The following PHACTR4 variants were observed in gnomAD, a reference collection of about 807,000 sequenced individuals.
PHACTR4 encodes protein phosphatase 1, regulatory subunit 124.
A neutral mutation model predicts 72.7 loss-of-function variants in PHACTR4; 51 were observed. That is an observed-to-expected ratio of 0.70 (90% CI 0.56 to 0.89). PHACTR4 has a LOEUF of 0.89. Ranked by LOEUF, PHACTR4 falls within the 40% of genes least tolerant of loss-of-function variation. The pLI is 0.00. For missense variants in PHACTR4, 731 were observed against 861.8 expected (o/e 0.85, Z 1.90); for synonymous variants, 255 against 302.5 (o/e 0.84, Z 1.63).
intron 4 of PHACTR4, among the ~76,000 whole-genome samples, chr1:28,464,675 T>C (rs1232324623): frequency 6.6e-5 from 10 of 152,142 alleles, no homozygotes; most frequent in Admixed American, 6.6e-4. Flanking sequence ...TGTAGTTACT[T>C]ATATATAAGT....
chr1:28,438,311 G>A, intron 2 of PHACTR4: 1 of 1,579,364 alleles, frequency 6.3e-7, no homozygotes. Flanking sequence ...TCTTTATGTG[G>A]ATTTATCTTT....
At chr1:28,491,209 AAAAAAAAAAAAAAGAAG>A (rs1661016260) in intron 11 of PHACTR4, among the ~76,000 whole-genome samples, 197 bp downstream of exon 11, 1 of 130,044 alleles carries the variant, frequency 7.7e-6, no homozygotes, top group South Asian at 2.3e-4. Flanking sequence ...TGTCTACATT[AAAAAAAAAAAAAAGAAG>A]AAGAAAGAAA....
chr1:28,456,238 C>T (rs116453326), intron 2 of PHACTR4, among the ~76,000 whole-genome samples: 4 of 152,010 alleles, frequency 2.6e-5, no homozygotes, highest in African/African-American at 7.2e-5. Flanking sequence ...AGAAAACCAA[C>T]CAGGAATAAG....
chr1:28,370,749 A>G (rs1018761875), intron 1 of PHACTR4, among the ~76,000 whole-genome samples: 3 of 152,206 alleles, frequency 2.0e-5, no homozygotes, highest in Admixed American at 2.0e-4. Flanking sequence ...TTATAGAGGA[A>G]CCAGAAACCC....
At chr1:28,453,568 G>T in intron 2 of PHACTR4, 1 of 770,466 alleles carries the variant, frequency 1.3e-6, no homozygotes, top group South Asian at 1.6e-5. Context: ...AGTGGGACTT[G>T]GGCAGCAGAG....
intron 1 of PHACTR4, among the ~76,000 whole-genome samples, chr1:28,388,897 C>T (rs1462999886): frequency 6.6e-6 from 1 of 151,972 alleles, no homozygotes; most frequent in East Asian, 1.9e-4. Flanking sequence ...AATGTAAGAC[C>T]TGAAACTGTA....
chr1:28,372,863 A>C (rs1001152324), intron 1 of PHACTR4, among the ~76,000 whole-genome samples: 1 of 151,968 alleles, frequency 6.6e-6, no homozygotes, highest in East Asian at 1.9e-4. Context: ...AAAAAAAAAA[A>C]AAACACAGAA....
chr1:28,488,223 C>A (rs1187150942), intron 9 of PHACTR4, among the ~76,000 whole-genome samples: 2 of 151,020 alleles, frequency 1.3e-5, no homozygotes, highest in East Asian at 4.0e-4. Context: ...CATGGCCAGG[C>A]GTGGTGGCTC....
In PHACTR4 at chr1:28,465,828, G is replaced by A; in HGVS notation, c.415G>A (p.Glu139Lys). 1.2e-6 allele frequency: 2 copies of A among 1,611,154 alleles called. No homozygotes were observed. The highest frequency in any genetic ancestry group is 2.2e-5 in the South Asian group (2 of 90,438). The change falls in exon 5 of 14, where the codon GAG becomes AAG. Residue 139 changes from glutamate to lysine, a missense_variant. Transcript: ENST00000373839. ...LASLRKAIPEEDLKKRLGSTG... is the reference protein window; with the variant it reads ...LASLRKAIPEKDLKKRLGSTG... Reference sequence around the variant, plus strand: ...AAGTCTTAGGAAAGCTATTCCAGAAGAGGACCTAAAGAAACGACTAGGTAA... The same window carrying A: ...AAGTCTTAGGAAAGCTATTCCAGAAAAGGACCTAAAGAAACGACTAGGTAA...
chr1:28,496,212 A>G (rs1430437443), intron 13 of PHACTR4, among the ~76,000 whole-genome samples: 1 of 151,816 alleles, frequency 6.6e-6, no homozygotes, highest in African/African-American at 2.4e-5. Context: ...GCGCGCCACC[A>G]CGCCCAGCTA....
At chr1:28,385,381 T>C (rs1330498207) in intron 1 of PHACTR4, among the ~76,000 whole-genome samples, 2 of 151,766 alleles carry the variant, frequency 1.3e-5, no homozygotes, top group African/African-American at 2.4e-5. Context: ...CCATCTCTAC[T>C]AAAAATTCAA....
intron 2 of PHACTR4, among the ~76,000 whole-genome samples, chr1:28,441,105 T>C (rs1656994750): frequency 6.6e-6 from 1 of 152,212 alleles, no homozygotes; most frequent in Non-Finnish European, 1.5e-5. Flanking sequence ...TAGATATTAT[T>C]CATGTCTATG....
At chr1:28,374,943 T>G (rs2124102581) in intron 1 of PHACTR4, among the ~76,000 whole-genome samples, 1 of 152,202 alleles carries the variant, frequency 6.6e-6, no homozygotes, top group African/African-American at 2.4e-5. Flanking sequence ...TAAGAGGGAG[T>G]AGAATAAGTA....
At chr1:28,386,494 C>T (rs1478978450) in intron 1 of PHACTR4, among the ~76,000 whole-genome samples, 4 of 152,174 alleles carry the variant, frequency 2.6e-5, no homozygotes, top group African/African-American at 7.2e-5. Flanking sequence ...TTTTCTGTCT[C>T]GATGATCTAA....
chr1:28,410,339 G>T (rs1054949739), intron 2 of PHACTR4, among the ~76,000 whole-genome samples: 2 of 152,058 alleles, frequency 1.3e-5, no homozygotes, highest in African/African-American at 4.8e-5. Flanking sequence ...TTTTATTATA[G>T]TAGTCTGGTG....
chr1:28,382,060 G>A (rs990737207), intron 1 of PHACTR4, among the ~76,000 whole-genome samples: 3 of 152,166 alleles, frequency 2.0e-5, no homozygotes, highest in Admixed American at 6.5e-5. Context: ...GAGCCACTGC[G>A]CCCAGCCCTT....
intron 4 of PHACTR4, among the ~76,000 whole-genome samples, chr1:28,462,441 C>T (rs1193660365): frequency 2.0e-5 from 3 of 152,084 alleles, no homozygotes; most frequent in Non-Finnish European, 4.4e-5. Flanking sequence ...GCCCTACACT[C>T]ACGGCAACCT....
rs74455757 is a variant in PHACTR4, at chr1:28,474,117, A to G, written c.1387A>G (p.Arg463Gly). ...GGACAGCAGTACGCTGGGTCGGACCAGGTCTCTTCCCATCACTATTGAAAT... is the reference window on the plus strand; with the variant it reads ...GGACAGCAGTACGCTGGGTCGGACCGGGTCTCTTCCCATCACTATTGAAAT... ...SEDSSTLGRT[R>G]SLPITIEMLK... The change falls in exon 7 of 14, where the codon AGG becomes GGG. Residue 463 changes from arginine to glycine, a missense_variant. By Grantham distance (125) the Arg-to-Gly change is moderately radical (BLOSUM62 -2). Transcript: ENST00000373839. 2,357 of 1,613,804 alleles carry G rather than the reference A, an allele frequency of 1.5e-3. 6 individuals carry two copies. Among genetic ancestry groups the G allele is most frequent in the Non-Finnish European group, 1.4e-3 (1,682 of 1,179,844 alleles).
intron 2 of PHACTR4, among the ~76,000 whole-genome samples, chr1:28,408,525 C>T (rs1374454987): frequency 6.6e-6 from 1 of 152,060 alleles, no homozygotes; most frequent in Non-Finnish European, 1.5e-5. Context: ...TGCCACTGCA[C>T]TCCAGCCTCG....
Sources: allele counts gnomAD v4.1 joint callset (sites outside exome capture counted in the v4.1 genomes callset), GRCh38; gene constraint gnomAD v4.1.1; transcripts MANE v1.5; gene names NCBI Gene and HGNC (gene_info 2026-07-23, HGNC 2026-07-21).